The following ANKRD44 variants were observed in gnomAD, a reference collection of about 807,000 sequenced individuals.
ANKRD44 encodes serine/threonine-protein phosphatase 6 regulatory ankyrin repeat subunit B.
Under a neutral mutation model 116.0 loss-of-function variants are expected in ANKRD44, and 35 were observed. That is an observed-to-expected ratio of 0.30 (90% CI 0.23 to 0.40). The LOEUF is 0.40. ANKRD44 is among the 10% of genes least tolerant of loss of function. The pLI is 1.00. For synonymous variants in ANKRD44, 435 were observed against 461.8 expected, an observed-to-expected ratio of 0.94 and a Z score of 0.74; for missense variants, 1,014 against 1,242.6, an observed-to-expected ratio of 0.82 and a Z score of 2.77.
chr2:197,114,209 G>A (rs560161258), intron 8 of ANKRD44, among the ~76,000 whole-genome samples: 22 of 152,230 alleles, frequency 1.4e-4, no homozygotes, highest in African/African-American at 3.4e-4. Context: ...CATTCCTTGC[G>A]TTCTCAAAAG....
chr2:197,237,111 G>A (rs900174743), intron 1 of ANKRD44, among the ~76,000 whole-genome samples: 4 of 152,170 alleles, frequency 2.6e-5, no homozygotes, highest in Non-Finnish European at 4.4e-5. Flanking sequence ...GTCCTTTGCC[G>A]TCAACTGTCG....
intron 1 of ANKRD44, among the ~76,000 whole-genome samples, chr2:197,202,823 C>A (rs2081123605): frequency 6.6e-6 from 1 of 151,916 alleles, no homozygotes; most frequent in Admixed American, 6.6e-5. Flanking sequence ...AGTGATCCAC[C>A]CGCCTTAGCC....
chr2:197,030,601 A>C (rs949398284), intron 16 of ANKRD44, among the ~76,000 whole-genome samples: 7 of 152,268 alleles, frequency 4.6e-5, no homozygotes, highest in African/African-American at 1.7e-4. Flanking sequence ...CTTCCTGATC[A>C]TGGGGCAGAG....
intron 2 of ANKRD44, among the ~76,000 whole-genome samples, chr2:197,149,236 C>A (rs1296834699): frequency 1.3e-5 from 2 of 152,168 alleles, no homozygotes; most frequent in Admixed American, 1.3e-4. Context: ...AGGGACTATT[C>A]CAACCCAAAT....
intron 2 of ANKRD44, among the ~76,000 whole-genome samples, chr2:197,170,509 T>G (rs1330145426): frequency 6.6e-6 from 1 of 152,220 alleles, no homozygotes; most frequent in African/African-American, 2.4e-5. Flanking sequence ...ACCATTCCAA[T>G]TCATTGTGCC....
chr2:197,025,228 A>C lies in ANKRD44; in HGVS notation c.1690T>G (p.Ser564Ala). The C allele has an allele frequency of 6.2e-7, 1 of 1,612,838 alleles. No individual in the cohort carries two copies. The highest frequency in any genetic ancestry group is 8.5e-7 in the Non-Finnish European group (1 of 1,178,914). Reference protein sequence around the residue: ...RTNSGFEESDSGATKSPLHLA... With the variant: ...RTNSGFEESDAGATKSPLHLA... ...TGGAGTGGACTCTTAGTAGCACCAG[A>C]ATCTGATTCTTCAAATCCACTGTTT... is the stretch of plus-strand genomic sequence containing the variant. The change falls in exon 17 of 28, where the codon TCT (serine) becomes GCT (alanine). Residue 564 changes from serine (S) to alanine (A), a missense_variant. Ser to Ala is a moderately conservative substitution (Grantham distance 99). Transcript: ENST00000282272.
In ANKRD44 at chr2:197,123,355, A is replaced by C. The variant is rs143015887; in HGVS notation, c.551-563T>G. On this transcript the variant is annotated intron_variant, in intron 6 of 27. Transcript: ENST00000282272. The stretch of plus-strand genomic sequence containing the variant: ...CTCATGAATTAGAGGCCAAACAGAA[A>C]ACCCTTCTAGTTTTAGCTCCTGTTA... Among the ~76,000 whole-genome samples, 269 of 152,356 alleles carry C rather than the reference A, an allele frequency of 1.8e-3. 4 individuals are homozygous for C. The highest frequency in any genetic ancestry group is 6.2e-3 in the African/African-American group (259 of 41,586).
chr2:197,141,173 T>C (rs200160302), intron 3 of ANKRD44, among the ~76,000 whole-genome samples: 1 of 152,150 alleles, frequency 6.6e-6, no homozygotes, highest in Admixed American at 6.5e-5. Context: ...GCCGAGATCA[T>C]GCCACTGCCC....
chr2:196,994,084 T>A (rs2075968423), intron 26 of ANKRD44, among the ~76,000 whole-genome samples: 1 of 152,220 alleles, frequency 6.6e-6, no homozygotes, highest in African/African-American at 2.4e-5. Context: ...ATTTCAAACT[T>A]CCTTGTTACT....
Position 197,281,240 on chromosome 2 carries a change from G to A in ANKRD44, c.27+29338C>T, listed in dbSNP as rs532838272. Among the ~76,000 whole-genome samples, 280 of 152,268 alleles carry A rather than the reference G, an allele frequency of 1.8e-3. 2 individuals carry two copies. The highest frequency in any genetic ancestry group is 3.4e-3 in the Middle Eastern group (1 of 294). ...CAAATGAACATGTTACATGCCTGTT[G>A]ATAGGAGGCCTGATGCTTTATTTTC... On this transcript the variant is annotated intron_variant, in intron 1 of 27. Transcript: ENST00000282272.
At chr2:197,071,644 C>T (rs569223409) in intron 16 of ANKRD44, among the ~76,000 whole-genome samples, 4 of 152,084 alleles carry the variant, frequency 2.6e-5, no homozygotes, top group Non-Finnish European at 5.9e-5. Context: ...TTCATGGGCA[C>T]TTGAACTAAA....
In ANKRD44 at chr2:196,998,418, A is replaced by G. The variant is rs774819637; in HGVS notation, c.2667T>C (p.Asp889=). The change falls in exon 25 of 28, where the codon GAT becomes GAC. Residue 889 remains aspartate (D), a splice_region_variant and synonymous_variant. Transcript: ENST00000282272. ...AAENGQAGAV[D]ILVNSAQADL... is the part of the protein sequence containing the mutation. ...CAGCCTGGGCACTGTTCACCAAAAT[A>G]TCTGTAGAAAAAGCCCAAAAGAGGG... is the stretch of plus-strand genomic sequence containing the variant. 3.7e-6 allele frequency: 6 copies of G among 1,613,100 alleles called. No homozygotes were observed. The African/African-American group carries it at 5.3e-5, about 14-fold the overall frequency.
At chr2:196,971,284 A>G (rs1390023818) in intron 21 of ANKRD44, among the ~76,000 whole-genome samples, 2 of 152,216 alleles carry the variant, frequency 1.3e-5, no homozygotes, top group African/African-American at 4.8e-5. Flanking sequence ...TGAGATTACA[A>G]CCATAAACAT....
intron 23 of ANKRD44, 130 bp from the exon 24 acceptor site, chr2:196,999,182 G>T: frequency 1.8e-6 from 2 of 1,084,140 alleles, no homozygotes; most frequent in South Asian, 1.7e-5. Flanking sequence ...ATAGTGATCA[G>T]GTCCCCTCCC....
At chr2:197,120,630 G>A (rs890604484) in intron 8 of ANKRD44, among the ~76,000 whole-genome samples, 3 of 151,300 alleles carry the variant, frequency 2.0e-5, no homozygotes, top group African/African-American at 4.9e-5. Flanking sequence ...CAGCCTGGGT[G>A]ACAAGAGCAA....
At chr2:197,298,898 CAG>C (rs1227647855) in intron 1 of ANKRD44, among the ~76,000 whole-genome samples, 1 of 149,988 alleles carries the variant, frequency 6.7e-6, no homozygotes, top group African/African-American at 2.5e-5. Context: ...GCATGGGTGA[CAG>C]AGTGAGATCC....
At position 197,144,650 on chromosome 2, in the gene ANKRD44, G is replaced by T. The variant is rs1200040992; in HGVS notation, c.190+2377C>A. Among the ~76,000 whole-genome samples, 3 of 152,272 alleles carry T rather than the reference G, an allele frequency of 2.0e-5. No individual in the cohort carries two copies. The East Asian group carries it at 5.8e-4, about 29-fold the overall frequency. Reference sequence around the variant, plus strand: ...CCATAGCACATTGAACCAAAATTATGCTAAAGAGATTAAGAGCTCAGAAAT... The same window carrying T: ...CCATAGCACATTGAACCAAAATTATTCTAAAGAGATTAAGAGCTCAGAAAT... On this transcript the variant is annotated intron_variant, in intron 3 of 27. Transcript: ENST00000282272.
intron 1 of ANKRD44, among the ~76,000 whole-genome samples, chr2:197,271,465 G>A (rs1309872262): frequency 2.0e-5 from 3 of 152,144 alleles, no homozygotes; most frequent in East Asian, 3.8e-4. Context: ...AATTTCTGTT[G>A]TTTATAAATT....
intron 1 of ANKRD44, among the ~76,000 whole-genome samples, chr2:197,275,484 G>T (rs1276604522): frequency 6.6e-6 from 1 of 151,218 alleles, no homozygotes; most frequent in Non-Finnish European, 1.5e-5. Flanking sequence ...TAGAAGGGGG[G>T]ATCCATGCCA....
Sources: allele counts gnomAD v4.1 joint callset (sites outside exome capture counted in the v4.1 genomes callset), GRCh38; gene constraint gnomAD v4.1.1; transcripts MANE v1.5; gene names NCBI Gene and HGNC (gene_info 2026-07-23, HGNC 2026-07-21).